TRIM55: variants seen among roughly 807,000 people sequenced by gnomAD.
TRIM55 encodes tripartite motif-containing protein 55.
A neutral mutation model predicts 60.9 loss-of-function variants in TRIM55; 50 were observed. The ratio of observed to expected loss-of-function variants is 0.82; its 90% confidence interval spans 0.65 to 1.04. The LOEUF (loss-of-function observed/expected upper bound fraction) is 1.04, where lower values mean the gene tolerates loss of function less well. Among genes scored for constraint, TRIM55 ranks in the 50% least tolerant of loss-of-function variants. The probability of loss-of-function intolerance (pLI) is 0.00; values close to 1 mark genes in which losing one functional copy is unlikely to be tolerated. For missense variants in TRIM55, 681 were observed against 666.9 expected (o/e 1.02, Z -0.23); for synonymous variants, 237 against 238.1 (o/e 1.00, Z 0.04).
intron 9 of TRIM55, among the ~76,000 whole-genome samples, chr8:66,169,840 C>T (rs1384697906): frequency 6.6e-6 from 1 of 152,156 alleles, no homozygotes; most frequent in Non-Finnish European, 1.5e-5. Context: ...TTCATTTTTG[C>T]TTTGTCCAAA....
the TRIM55 span, among the ~76,000 whole-genome samples, chr8:66,115,496 G>C: frequency 6.6e-6 from 1 of 152,182 alleles, no homozygotes; most frequent in South Asian, 2.1e-4. Context: ...TTAAGTGACC[G>C]AAAGAGCAAG....
chr8:66,171,375 A>G (rs1811622165), intron 9 of TRIM55, among the ~76,000 whole-genome samples: 1 of 152,072 alleles, frequency 6.6e-6, no homozygotes, highest in African/African-American at 2.4e-5. Flanking sequence ...TTAGTTTGCT[A>G]AGGATAATGG....
At chr8:66,143,817 G>A (rs939433443) in intron 4 of TRIM55, among the ~76,000 whole-genome samples, 1 of 151,992 alleles carries the variant, frequency 6.6e-6, no homozygotes, top group South Asian at 2.1e-4. Flanking sequence ...AAACATAAAA[G>A]GTTCTGTTCA....
upstream of TRIM55, among the ~76,000 whole-genome samples, chr8:66,122,687 A>G (rs148428612): frequency 3.1e-3 from 465 of 152,242 alleles, 7 homozygotes; most frequent in Admixed American, 0.027. Context: ...AAACCTAAAA[A>G]ACTAGTTCAG....
chr8:66,159,191 C>T (rs1158051514), intron 9 of TRIM55, among the ~76,000 whole-genome samples: 1 of 152,200 alleles, frequency 6.6e-6, no homozygotes, highest in Non-Finnish European at 1.5e-5. Context: ...ACCATTAAAT[C>T]CCTTCCCCGC....
intron 9 of TRIM55, among the ~76,000 whole-genome samples, chr8:66,174,065 G>A (rs932269718): frequency 3.3e-5 from 5 of 151,926 alleles, no homozygotes; most frequent in African/African-American, 9.7e-5. Flanking sequence ...GCATAGCAGT[G>A]CCATTTAAAT....
intron 2 of TRIM55, among the ~76,000 whole-genome samples, chr8:66,133,607 G>T (rs888763960): frequency 1.3e-5 from 2 of 152,210 alleles, no homozygotes; most frequent in Admixed American, 1.3e-4. Context: ...TTTTGCAACA[G>T]TCAGATTCTA....
intron 4 of TRIM55, among the ~76,000 whole-genome samples, chr8:66,139,919 G>T (rs1426004801): frequency 2.6e-5 from 4 of 152,116 alleles, no homozygotes; most frequent in African/African-American, 9.7e-5. Flanking sequence ...GGTCAATGAT[G>T]AACTGCATAT....
At chr8:66,167,024 A>T (rs1481402156) in intron 9 of TRIM55, among the ~76,000 whole-genome samples, 2 of 152,164 alleles carry the variant, frequency 1.3e-5, no homozygotes, top group Non-Finnish European at 2.9e-5. Flanking sequence ...GGGCGAGCCG[A>T]TCCTTCAGTT....
At chr8:66,164,735 C>G (rs1165096875) in intron 9 of TRIM55, among the ~76,000 whole-genome samples, 2 of 152,208 alleles carry the variant, frequency 1.3e-5, no homozygotes, top group Non-Finnish European at 2.9e-5. Context: ...CAATAGCCTA[C>G]TATAGGCAGA....
the TRIM55 span, chr8:66,113,450 G>C: frequency 1.1e-4 from 51 of 453,104 alleles, no homozygotes; most frequent in Non-Finnish European, 1.9e-4. Context: ...TTCGATTCCG[G>C]CTCGAAGGAG....
At chr8:66,154,013 TTC>T in intron 8 of TRIM55, 32 bp from the exon 9 acceptor site, 1 of 1,556,672 alleles carries the variant, frequency 6.4e-7, no homozygotes. Flanking sequence ...CTTTTTTTTT[TTC>T]TTTACTTTTG....
intron 2 of TRIM55, among the ~76,000 whole-genome samples, chr8:66,129,069 A>T (rs1455796376): frequency 6.6e-6 from 1 of 152,150 alleles, no homozygotes; most frequent in African/African-American, 2.4e-5. Context: ...AGGAAAAAAA[A>T]GGGTGAAATT....
chr8:66,159,355 G>A (rs1438979260), intron 9 of TRIM55, among the ~76,000 whole-genome samples: 1 of 152,072 alleles, frequency 6.6e-6, no homozygotes, highest in Non-Finnish European at 1.5e-5. Context: ...TTTATTTTGT[G>A]GCATGTATAG....
intron 9 of TRIM55, among the ~76,000 whole-genome samples, chr8:66,171,736 T>C (rs1479336053): frequency 6.6e-6 from 1 of 152,202 alleles, no homozygotes; most frequent in African/African-American, 2.4e-5. Context: ...TCGGGAAGGC[T>C]GTAGGAAAAA....
rs150002534 is a variant in TRIM55, at chr8:66,140,055, G to A, written c.603+2865G>A. Among the ~76,000 whole-genome samples, 444 of 152,284 alleles carry A rather than the reference G, an allele frequency of 2.9e-3. 4 individuals are homozygous for A. Among genetic ancestry groups the A allele is most frequent in the African/African-American group, 9.4e-3 (392 of 41,552 alleles). ...ATAGTATTCAGTACTGTAGCATGCT[G>A]TACAGGTTTGTGTCCTAGGAGCAAT... On this transcript the variant is annotated intron_variant, in intron 4 of 9. Coordinates refer to ENST00000315962, the MANE Select transcript of TRIM55 (RefSeq NM_184085.2).
chr8:66,160,048 A>T (rs970484267), intron 9 of TRIM55, among the ~76,000 whole-genome samples: 1 of 151,434 alleles, frequency 6.6e-6, no homozygotes, highest in African/African-American at 2.4e-5. Context: ...GTGGTGTTTG[A>T]TTACCTGAAT....
chr8:66,154,056 G>T lies in TRIM55; in HGVS notation c.1246G>T (p.Val416Leu), dbSNP rs200383194. The T allele has an allele frequency of 6.2e-7, 1 of 1,611,870 alleles. No homozygotes were observed. The highest frequency in any genetic ancestry group is 1.3e-5 in the African/African-American group (1 of 74,678). The change falls in exon 9 of 10, where the codon GTA becomes TTA. Residue 416 changes from valine (V) to leucine (L), a missense_variant. Coordinates refer to ENST00000315962, the MANE Select transcript of TRIM55 (RefSeq NM_184085.2). ...ADAPVTQGEV[V>L]PTGSEQTTES... ...ATCTGTCCTGATTAAGGGGGAGGTT[G>T]TACCCACTGGCTCTGAGCAGACCAC... is the stretch of plus-strand genomic sequence containing the variant.
intron 4 of TRIM55, 96 bp from the exon 5 acceptor site, chr8:66,149,549 A>C: frequency 1.0e-6 from 1 of 966,376 alleles, no homozygotes; most frequent in Admixed American, 2.4e-5. Context: ...AATATCCTAC[A>C]TAAGTAAATG....
Sources: gnomAD v4.1 joint callset for allele counts (sites outside exome capture counted in the v4.1 genomes callset) on GRCh38, gnomAD v4.1.1 for gene constraint, MANE v1.5 for transcripts, NCBI Gene and HGNC (gene_info 2026-07-23, HGNC 2026-07-21) for gene names.